LARS1: variants seen among roughly 807,000 people sequenced by gnomAD.
LARS1 encodes the protein leucyl-tRNA synthetase 1.
In LARS1, 100 loss-of-function variants were observed where a neutral mutation model predicts 162.8. The observed-to-expected ratio is 0.61, with a 90% CI of 0.52 to 0.73. The LOEUF (loss-of-function observed/expected upper bound fraction) is 0.73. Among genes scored for constraint, LARS1 ranks in the 30% least tolerant of loss-of-function variants. LARS1 has a pLI of 0.00. For synonymous variants in LARS1, 457 were observed against 462.8 expected, an observed-to-expected ratio of 0.99 and a Z score of 0.16; for missense variants, 1,258 against 1,408.9, an observed-to-expected ratio of 0.89 and a Z score of 1.71.
At chr5:146,130,290 T>A in intron 24 of LARS1, 132 bp from the exon 25 acceptor site, 1 of 841,624 alleles carries the variant, frequency 1.2e-6, no homozygotes, top group Non-Finnish European at 1.9e-6. Flanking sequence ...CAAATTACTG[T>A]AAAGGTTTTA....
Position 146,182,642 on chromosome 5 carries a change from C to T in LARS1, c.-149G>A. 1 of 1,084,924 alleles carries T rather than the reference C, an allele frequency of 9.2e-7. No homozygotes were observed. Among genetic ancestry groups the T allele is most frequent in the Non-Finnish European group, 1.4e-6 (1 of 720,364 alleles). 67.2% of individuals were successfully genotyped at this position (1,084,924 alleles called of 1,614,324 possible). A position where few individuals can be genotyped will look rare whatever the true frequency, so the allele number is the denominator to read the frequency against. ...CACACCTGCTGAGGCAATCATCCGGCTCCTTACTAACTACAGCCAAGGCAT... is the reference window on the plus strand; with the variant it reads ...CACACCTGCTGAGGCAATCATCCGGTTCCTTACTAACTACAGCCAAGGCAT... On this transcript the variant is annotated 5_prime_UTR_variant, in exon 1 of 32. Coordinates refer to ENST00000394434, the MANE Select transcript of LARS1 (RefSeq NM_020117.11).
intron 6 of LARS1, among the ~76,000 whole-genome samples, chr5:146,160,966 A>G (rs1753752432): frequency 6.6e-6 from 1 of 152,184 alleles, no homozygotes; most frequent in South Asian, 2.1e-4. Context: ...TAAAATTAGG[A>G]ATTGGTCCAA....
intron 2 of LARS1, 93 bp from the exon 3 acceptor site, chr5:146,172,867 T>C (rs1754340681): frequency 2.0e-6 from 1 of 500,146 alleles, no homozygotes. Context: ...ATGCTTGATA[T>C]AAATAACTTA....
intron 25 of LARS1, among the ~76,000 whole-genome samples, chr5:146,129,608 G>A (rs138438905): frequency 4.1e-4 from 63 of 152,100 alleles, no homozygotes; most frequent in African/African-American, 1.5e-3. Flanking sequence ...TGTAAGCCTG[G>A]GAGAAATAAC....
chr5:146,129,083 T>C lies in LARS1; in HGVS notation c.2664A>G (p.Ala888=). Residue 888 remains alanine (A), a synonymous_variant, in exon 26 of 32, where the codon GCA becomes GCG. Transcript: ENST00000394434. ...DSIMNASWPV[A]GPVNEVLIHS... is the part of the protein sequence containing the mutation. ...GTATTAAAACTTCATTAACAGGACC[T>C]GCCACAGGCCATGAAGCATTCATAA... 6.2e-7 allele frequency: 1 copy of C among 1,604,242 alleles called. No homozygotes were observed. The highest frequency in any genetic ancestry group is 1.1e-5 in the South Asian group (1 of 89,088).
chr5:146,128,803 A>G, intron 26 of LARS1, 21 bp from the exon 27 acceptor site: 1 of 1,585,084 alleles, frequency 6.3e-7, no homozygotes, highest in African/African-American at 1.4e-5. Context: ...AAAGAAAGGA[A>G]AAACATTCAA....
chr5:146,182,640 G>T lies in LARS1; in HGVS notation c.-147C>A. ...TTCACACCTGCTGAGGCAATCATCC[G>T]GCTCCTTACTAACTACAGCCAAGGC... On this transcript the variant is annotated 5_prime_UTR_variant, in exon 1 of 32. Coordinates refer to ENST00000394434, the MANE Select transcript of LARS1 (RefSeq NM_020117.11). 1 of 1,097,242 alleles carries T rather than the reference G, an allele frequency of 9.1e-7. No individual in the cohort carries two copies. The highest frequency in any genetic ancestry group is 1.4e-6 in the Non-Finnish European group (1 of 730,258). The allele number at this position is 1,097,242 out of a possible 1,614,324, so 68.0% of individuals were successfully genotyped here. A position where few individuals can be genotyped will look rare whatever the true frequency, so the allele number is the denominator to read the frequency against.
intron 10 of LARS1, among the ~76,000 whole-genome samples, chr5:146,154,569 G>C (rs529264827): frequency 6.6e-6 from 1 of 152,256 alleles, no homozygotes; most frequent in African/African-American, 2.4e-5. Context: ...CCTGAGCTTA[G>C]GAGTTCGCGA....
At position 146,142,867 on chromosome 5, in the gene LARS1, T is replaced by C; in HGVS notation, c.2090+5A>G. The C allele has an allele frequency of 1.2e-6, 2 of 1,608,116 alleles. No homozygotes were observed. Among genetic ancestry groups the C allele is most frequent in the Non-Finnish European group, 1.7e-6 (2 of 1,175,072 alleles). The stretch of plus-strand genomic sequence containing the variant: ...AATCTAGTCCACACCTATTTTATCA[T>C]TCACCTTTGTTCCGGCCACATAGCC... On this transcript the variant is annotated splice_donor_5th_base_variant and intron_variant, in intron 20 of 31. Transcript: ENST00000394434.
At chr5:146,120,097 TAGAAAG>T (rs896081096) in intron 31 of LARS1, among the ~76,000 whole-genome samples, 1 of 152,186 alleles carries the variant, frequency 6.6e-6, no homozygotes, top group African/African-American at 2.4e-5. Flanking sequence ...ATTTTAGAGC[TAGAAAG>T]AAAGATGAAA....
At chr5:146,121,046 C>A (rs561287609) in intron 30 of LARS1, among the ~76,000 whole-genome samples, 1 of 152,096 alleles carries the variant, frequency 6.6e-6, no homozygotes, top group African/African-American at 2.4e-5. Context: ...GACTTAAATA[C>A]ATAGTATCTT....
At position 146,131,028 on chromosome 5, in the gene LARS1, A is replaced by C. The variant is rs1752255342; in HGVS notation, c.2478T>G (p.Phe826Leu). 5 of 1,577,770 alleles carry C rather than the reference A, an allele frequency of 3.2e-6. No homozygotes were observed. The highest frequency in any genetic ancestry group is 4.3e-6 in the Non-Finnish European group (5 of 1,154,842). The change falls in exon 24 of 32, where the codon TTT becomes TTG. Residue 826 changes from phenylalanine (F) to leucine (L), a missense_variant. Transcript: ENST00000394434. ...MFKEALKTGFFEFQAAKDKYR... is the reference protein window; with the variant it reads ...MFKEALKTGFLEFQAAKDKYR... Reference sequence around the variant, plus strand: ...AGAATCAACAGCCTACCTGAAACTCAAAAAACCCTGTTTTCAAAGCTTCTT... The same window carrying C: ...AGAATCAACAGCCTACCTGAAACTCCAAAAACCCTGTTTTCAAAGCTTCTT...
intron 2 of LARS1, among the ~76,000 whole-genome samples, chr5:146,175,483 A>G (rs867330237): frequency 6.7e-5 from 10 of 148,644 alleles, no homozygotes; most frequent in African/African-American, 2.2e-4. Flanking sequence ...CAGAGGTTGC[A>G]GTGAGCCGAG....
intron 21 of LARS1, among the ~76,000 whole-genome samples, chr5:146,137,445 G>A (rs915276290): frequency 6.6e-6 from 1 of 151,920 alleles, no homozygotes; most frequent in African/African-American, 2.4e-5. Flanking sequence ...TCCTACTGAG[G>A]ATATTGATTA....
chr5:146,177,694 C>G, intron 1 of LARS1, 29 bp from the exon 2 acceptor site: 2 of 1,212,036 alleles, frequency 1.7e-6, no homozygotes, highest in Non-Finnish European at 2.4e-6. Flanking sequence ...ATAATCCACT[C>G]TGTATTTCAG....
In LARS1 at chr5:146,114,026, G is replaced by A; in HGVS notation, c.*80C>T. ...TCAATCTATTTAGGTCCAGCCTAAG[G>A]TTCTGATAGCCAATCAGTAGACACA... is the stretch of plus-strand genomic sequence containing the variant. On this transcript the variant is annotated 3_prime_UTR_variant, in exon 32 of 32. Transcript: ENST00000394434. 1 of 1,068,210 alleles carries A rather than the reference G, an allele frequency of 9.4e-7. No individual in the cohort carries two copies. The highest frequency in any genetic ancestry group is 1.5e-6 in the Non-Finnish European group (1 of 688,552). The allele number at this position is 1,068,210 out of a possible 1,614,324, so 66.2% of individuals were successfully genotyped here. A position where few individuals can be genotyped will look rare whatever the true frequency, so the allele number is the denominator to read the frequency against.
At chr5:146,159,125 C>G (rs557364998) in intron 8 of LARS1, among the ~76,000 whole-genome samples, 19 of 151,952 alleles carry the variant, frequency 1.3e-4, no homozygotes, top group African/African-American at 4.3e-4. Context: ...TCCTGGGCCC[C>G]ACCCCCAGAA....
At chr5:146,180,808 T>A (rs1754801018) in intron 1 of LARS1, among the ~76,000 whole-genome samples, 1 of 152,156 alleles carries the variant, frequency 6.6e-6, no homozygotes, top group Admixed American at 6.6e-5. Context: ...AACAAAAGGC[T>A]ATATAACTAA....
Position 146,113,574 on chromosome 5 carries a change from A to AT in LARS1, c.*531dup, listed in dbSNP as rs1764069853. ...AAAAGTCTTATAAAATGCAGGACCTATTTGTTCTTTATACAAAATACTTAG... is the reference window on the plus strand; with the variant it reads ...AAAAGTCTTATAAAATGCAGGACCTATTTTGTTCTTTATACAAAATACTTAG... On this transcript the variant is annotated 3_prime_UTR_variant, in exon 32 of 32. Coordinates refer to ENST00000394434, the MANE Select transcript of LARS1 (RefSeq NM_020117.11). 6.5e-6 allele frequency: 1 copy of AT among 152,784 alleles called. No homozygotes were observed. Among genetic ancestry groups the AT allele is most frequent in the South Asian group, 2.1e-4 (1 of 4,870 alleles). 9.5% of individuals were successfully genotyped at this position (152,784 alleles called of 1,614,324 possible). A position where few individuals can be genotyped will look rare whatever the true frequency, so the allele number is the denominator to read the frequency against.
Sources: allele counts gnomAD v4.1 joint callset (sites outside exome capture counted in the v4.1 genomes callset), GRCh38; gene constraint gnomAD v4.1.1; transcripts MANE v1.5; gene names NCBI Gene and HGNC (gene_info 2026-07-23, HGNC 2026-07-21).